HOXB2: variants seen among roughly 807,000 people sequenced by gnomAD.
The protein encoded by HOXB2 is homeobox protein Hox-B2.
HOXB2 carries 14 observed loss-of-function variants against 13.1 expected under a neutral mutation model. The ratio of observed to expected loss-of-function variants is 1.07; its 90% confidence interval spans 0.71 to 1.67. HOXB2 has a LOEUF of 1.67. Ranked by LOEUF, HOXB2 falls within the 40% of genes most tolerant of loss-of-function variation. The pLI, the probability that HOXB2 is intolerant of heterozygous loss-of-function variation, is 0.00. For synonymous variants in HOXB2, 261 were observed against 233.1 expected, an observed-to-expected ratio of 1.12 and a Z score of -1.09; for missense variants, 582 against 488.3, an observed-to-expected ratio of 1.19 and a Z score of -1.81.
chr17:48,544,542 A>C lies in HOXB2; in HGVS notation c.370T>G (p.Ser124Ala), dbSNP rs138927026. 197 of 1,605,592 alleles carry C rather than the reference A, an allele frequency of 1.2e-4. No homozygotes were observed. The highest frequency in any genetic ancestry group is 1.5e-4 in the Non-Finnish European group (177 of 1,179,764). ...CGACCTGCAGGCGATCCGACCCCGG[A>C]GGCCGGAACGGCGGAGGCGGCCGGA... ...PSPAASAVPASGVGSPADGLG... is the reference protein window; with the variant it reads ...PSPAASAVPAAGVGSPADGLG... The change falls in exon 1 of 2, where the codon TCC becomes GCC. Residue 124 changes from serine (S) to alanine (A), a missense_variant. Ser to Ala is a moderately conservative substitution (Grantham distance 99, BLOSUM62 1). Transcript: ENST00000330070.
rs2068526541 is a variant in HOXB2, at chr17:48,543,492, C to G, written c.647G>C (p.Gly216Ala). 6.2e-7 allele frequency: 1 copy of G among 1,612,248 alleles called. No individual in the cohort carries two copies. The highest frequency in any genetic ancestry group is 1.1e-5 in the South Asian group (1 of 91,050). ...EPPDGEPACP[G>A]ALEDICDPAE... is the part of the protein sequence containing the mutation. ...AGGGTCGCAGATGTCCTCCAGGGCT[C>G]CCGGGCAGGCAGGCTCCCCATCCGG... The change falls in exon 2 of 2, where the codon GGA becomes GCA. Residue 216 changes from glycine to alanine, a missense_variant. By Grantham distance (60) the Gly-to-Ala change is moderately conservative (BLOSUM62 0). Coordinates refer to ENST00000330070, the MANE Select transcript of HOXB2 (RefSeq NM_002145.4).
Position 48,543,464 on chromosome 17 carries a change from G to C in HOXB2, c.675C>G (p.Ala225=). The C allele has an allele frequency of 1.2e-6, 2 of 1,609,114 alleles. No homozygotes were observed. Among genetic ancestry groups the C allele is most frequent in the Non-Finnish European group, 1.7e-6 (2 of 1,178,800 alleles). ...CGCCCGGGCTGGCCGCGGGTTCCTC[G>C]GCAGGGTCGCAGATGTCCTCCAGGG... ...PGALEDICDP[A]EEPAASPGGP... The change falls in exon 2 of 2, where the codon GCC becomes GCG. Residue 225 remains alanine (A), a synonymous_variant. Transcript: ENST00000330070.
At position 48,543,536 on chromosome 17, in the gene HOXB2, C is replaced by T. The variant is rs1363220358; in HGVS notation, c.603G>A (p.Gln201=). The T allele has an allele frequency of 6.2e-7, 1 of 1,613,018 alleles. No homozygotes were observed. Among genetic ancestry groups the T allele is most frequent in the South Asian group, 1.1e-5 (1 of 91,078 alleles). ...CATCCGGCGGCTCTCGGTGCTGCGT[C>T]TGCCGCTTGTGCTTCATGCGCCGGT... ...FQNRRMKHKR[Q]TQHREPPDGE... The change falls in exon 2 of 2, where the codon CAG becomes CAA. Residue 201 remains glutamine (Q), a synonymous_variant. Transcript: ENST00000330070.
rs752948941 is a variant in HOXB2, at chr17:48,543,460, C to T, written c.679G>A (p.Glu227Lys). The T allele has an allele frequency of 2.5e-6, 4 of 1,608,064 alleles. No individual in the cohort carries two copies. Among genetic ancestry groups the T allele is most frequent in the African/African-American group, 1.3e-5 (1 of 74,854 alleles). ...GGGCCGCCCGGGCTGGCCGCGGGTT[C>T]CTCGGCAGGGTCGCAGATGTCCTCC... ...ALEDICDPAE[E>K]PAASPGGPSA... Residue 227 changes from glutamate (E) to lysine (K), a missense_variant, in exon 2 of 2, where the codon GAA becomes AAA. Physicochemically the swap from Glu to Lys is moderately conservative, Grantham distance 56 (BLOSUM62 1). Coordinates refer to ENST00000330070, the MANE Select transcript of HOXB2 (RefSeq NM_002145.4).
rs1023955255 is a variant in HOXB2 at position 48,543,464 on chromosome 17, G to A, written c.675C>T (p.Ala225=). 2 of 1,609,114 alleles carry A rather than the reference G, an allele frequency of 1.2e-6. No homozygotes were observed. The highest frequency in any genetic ancestry group is 1.3e-5 in the African/African-American group (1 of 74,898). The change falls in exon 2 of 2, where the codon GCC becomes GCT. Residue 225 remains alanine, a synonymous_variant. Transcript: ENST00000330070. Reference sequence around the variant, plus strand: ...CGCCCGGGCTGGCCGCGGGTTCCTCGGCAGGGTCGCAGATGTCCTCCAGGG... The same window carrying A: ...CGCCCGGGCTGGCCGCGGGTTCCTCAGCAGGGTCGCAGATGTCCTCCAGGG... The part of the protein sequence containing the change: ...PGALEDICDP[A]EEPAASPGGP...
chr17:48,543,609 G>C lies in HOXB2; in HGVS notation c.530C>G (p.Ala177Gly), dbSNP rs1434585756. ...YLCRPRRVEI[A>G]ALLDLTERQV... is the part of the protein sequence containing the mutation. ...CCTTTCGGTGAGGTCCAGCAAGGCCGCGATCTCGACGCGGCGTGGCCGGCA... is the reference window on the plus strand; with the variant it reads ...CCTTTCGGTGAGGTCCAGCAAGGCCCCGATCTCGACGCGGCGTGGCCGGCA... Residue 177 changes from alanine (A) to glycine (G), a missense_variant, in exon 2 of 2, where the codon GCG becomes GGG. Ala to Gly is a moderately conservative substitution (Grantham distance 60). Transcript: ENST00000330070. 1 of 1,613,638 alleles carries C rather than the reference G, an allele frequency of 6.2e-7. No homozygotes were observed. Among genetic ancestry groups the C allele is most frequent in the South Asian group, 1.1e-5 (1 of 91,082 alleles).
Position 48,543,115 on chromosome 17 carries a change from C to A in HOXB2, c.1024G>T (p.Asp342Tyr). ...SPVPFSEEEL[D>Y]FFTSTLCAID... ...GCACAGAGCGTACTGGTGAAAAAAT[C>A]CAGCTCTTCCTCGGAAAAAGGGACC... The change falls in exon 2 of 2, where the codon GAT (aspartate) becomes TAT (tyrosine). Residue 342 changes from aspartate to tyrosine, a missense_variant. By Grantham distance (160) the Asp-to-Tyr change is radical. Transcript: ENST00000330070. 2 of 1,612,760 alleles carry A rather than the reference C, an allele frequency of 1.2e-6. No individual in the cohort carries two copies. Among genetic ancestry groups the A allele is most frequent in the Non-Finnish European group, 1.7e-6 (2 of 1,179,654 alleles).
At position 48,544,539 on chromosome 17, in the gene HOXB2, C is replaced by G. The variant is rs1368590796; in HGVS notation, c.373G>C (p.Gly125Arg). 13 of 1,605,288 alleles carry G rather than the reference C, an allele frequency of 8.1e-6. No homozygotes were observed. Among genetic ancestry groups the G allele is most frequent in the African/African-American group, 2.7e-5 (2 of 74,884 alleles). The change falls in exon 1 of 2, where the codon GGG (glycine) becomes CGG (arginine). Residue 125 changes from glycine to arginine, a missense_variant. Gly to Arg is a moderately radical substitution (Grantham distance 125, BLOSUM62 -2). Coordinates refer to ENST00000330070, the MANE Select transcript of HOXB2 (RefSeq NM_002145.4). ...SPAASAVPAS[G>R]VGSPADGLGL... is the part of the protein sequence containing the mutation. The stretch of plus-strand genomic sequence containing the variant: ...TACCGACCTGCAGGCGATCCGACCC[C>G]GGAGGCCGGAACGGCGGAGGCGGCC...
Position 48,542,762 on chromosome 17 carries a change from A to T in HOXB2, c.*306T>A, listed in dbSNP as rs1348103205. The T allele has an allele frequency of 8.2e-6, 2 of 244,228 alleles. No homozygotes were observed. The highest frequency in any genetic ancestry group is 4.4e-5 in the African/African-American group (2 of 44,996). The allele number at this position is 244,228 out of a possible 1,614,324, so 15.1% of individuals were successfully genotyped here. A position where few individuals can be genotyped will look rare whatever the true frequency, so the allele number is the denominator to read the frequency against. On this transcript the variant is annotated 3_prime_UTR_variant, in exon 2 of 2. Transcript: ENST00000330070. The stretch of plus-strand genomic sequence containing the variant: ...TTTAATAAATAATCTACAGTCTAAA[A>T]CATAAAAAAGAGGAAAATAGGTCCC...
chr17:48,543,461 C>G lies in HOXB2; in HGVS notation c.678G>C (p.Glu226Asp), dbSNP rs1168888804. The G allele has an allele frequency of 3.1e-6, 5 of 1,608,238 alleles. No individual in the cohort carries two copies. In the South Asian group the frequency reaches 4.4e-5, roughly 14 times the overall value. ...GALEDICDPA[E>D]EPAASPGGPS... The stretch of plus-strand genomic sequence containing the variant: ...GGCCGCCCGGGCTGGCCGCGGGTTC[C>G]TCGGCAGGGTCGCAGATGTCCTCCA... The change falls in exon 2 of 2, where the codon GAG (glutamate) becomes GAC (aspartate). Residue 226 changes from glutamate (E) to aspartate (D), a missense_variant. Physicochemically the swap from Glu to Asp is conservative, Grantham distance 45 (BLOSUM62 2). Transcript: ENST00000330070.
rs764926000 is a variant in HOXB2 at position 48,543,412 on chromosome 17, C to G, written c.727G>C (p.Glu243Gln). ...GGPSASRAAW[E>Q]ACCHPPEVVP... ...ACCTCCGGCGGGTGACAGCAGGCTT[C>G]CCACGCCGCCCGCGAGGCGGAGGGG... Residue 243 changes from glutamate (E) to glutamine (Q), a missense_variant, in exon 2 of 2, where the codon GAA becomes CAA. Coordinates refer to ENST00000330070, the MANE Select transcript of HOXB2 (RefSeq NM_002145.4). 4 of 1,582,940 alleles carry G rather than the reference C, an allele frequency of 2.5e-6. No individual in the cohort carries two copies. Among genetic ancestry groups the G allele is most frequent in the Non-Finnish European group, 2.6e-6 (3 of 1,167,870 alleles).
rs1314332773 is a variant in HOXB2, at chr17:48,544,907, T to A, written c.5A>T (p.Asn2Ile). The change falls in exon 1 of 2, where the codon AAT becomes ATT. Residue 2 changes from asparagine to isoleucine, a missense_variant. Transcript: ENST00000330070. Reference protein sequence around the residue: MNFEFEREIGFI... With the variant: MIFEFEREIGFI... ...CCCAATCTCCCTCTCAAATTCAAAA[T>A]TCATGGCTTTCAATGGTGGGGGAGG... 6.4e-7 allele frequency: 1 copy of A among 1,559,528 alleles called. No homozygotes were observed. The highest frequency in any genetic ancestry group is 8.7e-7 in the Non-Finnish European group (1 of 1,148,294).
Position 48,543,165 on chromosome 17 carries a change from C to G in HOXB2, c.974G>C (p.Ser325Thr), listed in dbSNP as rs764024678. The change falls in exon 2 of 2, where the codon AGC becomes ACC. Residue 325 changes from serine (S) to threonine (T), a missense_variant. Coordinates refer to ENST00000330070, the MANE Select transcript of HOXB2 (RefSeq NM_002145.4). ...CLQLSGGLSP[S>T]LQGSLDSPVP... is the part of the protein sequence containing the mutation. ...CGGGCTGTCGAGAGAACCCTGTAGGCTAGGGGAGAGGCCTCCGGATAGCTG... is the reference window on the plus strand; with the variant it reads ...CGGGCTGTCGAGAGAACCCTGTAGGGTAGGGGAGAGGCCTCCGGATAGCTG... 1 of 1,613,976 alleles carries G rather than the reference C, an allele frequency of 6.2e-7. No homozygotes were observed.
In HOXB2 at chr17:48,543,746, A is replaced by T. The variant is rs374269820; in HGVS notation, c.393T>A (p.Asp131Glu). Residue 131 changes from aspartate to glutamate, a missense_variant and splice_region_variant, in exon 2 of 2, where the codon GAT (aspartate) becomes GAA (glutamate). Asp to Glu is a conservative substitution (Grantham distance 45). Coordinates refer to ENST00000330070, the MANE Select transcript of HOXB2 (RefSeq NM_002145.4). ...CACCAGCCTCCGGCAGTCCCAGGCC[A>T]TCTGCAGGGAAAACAGGCTCGGCGT... ...VPASGVGSPADGLGLPEAGGG... is the reference protein window; with the variant it reads ...VPASGVGSPAEGLGLPEAGGG... 16 of 1,592,368 alleles carry T rather than the reference A, an allele frequency of 1.0e-5. No individual in the cohort carries two copies. In the African/African-American group the frequency reaches 1.3e-4, roughly 13 times the overall value.
intron 1 of HOXB2, chr17:48,543,985 G>A: frequency 7.8e-7 from 1 of 1,289,820 alleles, no homozygotes; most frequent in Non-Finnish European, 9.8e-7. Context: ...CCACGCAGGG[G>A]GCGGAGAGCG....
rs971562951 is a variant in HOXB2 at position 48,542,832 on chromosome 17, G to A, written c.*236C>T. 8 of 384,890 alleles carry A rather than the reference G, an allele frequency of 2.1e-5. No homozygotes were observed. Among genetic ancestry groups the A allele is most frequent in the African/African-American group, 4.1e-5 (2 of 48,214 alleles). The allele number at this position is 384,890 out of a possible 1,614,324, so 23.8% of individuals were successfully genotyped here. ...GTCCCCCTAGAGTTTAATTATTCCTGAGATTTCATTGGAAGGAGTCTACCA... is the reference window on the plus strand; with the variant it reads ...GTCCCCCTAGAGTTTAATTATTCCTAAGATTTCATTGGAAGGAGTCTACCA... On this transcript the variant is annotated 3_prime_UTR_variant, in exon 2 of 2. Coordinates refer to ENST00000330070, the MANE Select transcript of HOXB2 (RefSeq NM_002145.4).
At chr17:48,544,037 C>T (rs1567936933) in intron 1 of HOXB2, 3 of 1,260,180 alleles carry the variant, frequency 2.4e-6, no homozygotes, top group Admixed American at 7.6e-5. Context: ...CTCCCAAGCC[C>T]TCCCAGTGGA....
At position 48,544,948 on chromosome 17, in the gene HOXB2, G is replaced by GGGGGGGGGGGGGGGGGGGGGGGC; in HGVS notation, c.-38_-37insGCCCCCCCCCCCCCCCCCCCCCC. 1 of 1,051,214 alleles carries GGGGGGGGGGGGGGGGGGGGGGGC rather than the reference G, an allele frequency of 9.5e-7. No homozygotes were observed. The highest frequency in any genetic ancestry group is 2.9e-5 in the East Asian group (1 of 34,474). 65.1% of individuals were successfully genotyped at this position (1,051,214 alleles called of 1,614,324 possible). A position where few individuals can be genotyped will look rare whatever the true frequency, so the allele number is the denominator to read the frequency against. On this transcript the variant is annotated 5_prime_UTR_variant, in exon 1 of 2. Coordinates refer to ENST00000330070, the MANE Select transcript of HOXB2 (RefSeq NM_002145.4). ...GTGGGGGAGGGGGCTGCTGGGGGGG[G>GGGGGGGGGGGGGGGGGGGGGGGC]CGTCAGGAGGGAGGATCGGAAGGGA...
intron 1 of HOXB2, chr17:48,544,248 A>T: frequency 7.3e-7 from 1 of 1,360,592 alleles, no homozygotes; most frequent in Non-Finnish European, 9.4e-7. Flanking sequence ...ACCTCAATCA[A>T]ATCATTTTCT....
Sources: gnomAD v4.1 joint callset for allele counts on GRCh38, gnomAD v4.1.1 for gene constraint, MANE v1.5 for transcripts, NCBI Gene and HGNC (gene_info 2026-07-23, HGNC 2026-07-21) for gene names.